TAS2R1: variants seen among roughly 807,000 people sequenced by gnomAD.
The protein encoded by TAS2R1 is taste receptor type 2 member 1.
For missense variants in TAS2R1, 370 were observed against 353.4 expected (o/e 1.05, Z -0.38); for synonymous variants, 141 against 134.2 (o/e 1.05, Z -0.35).
At chr5:9,642,889 C>T (rs1262722641) in intron 2 of TAS2R1, among the ~76,000 whole-genome samples, 1 of 152,186 alleles carries the variant, frequency 6.6e-6, no homozygotes, top group Non-Finnish European at 1.5e-5. Context: ...TTGTCTTCAG[C>T]TCTAAACTGA....
At chr5:9,651,145 A>T (rs1579768293) in intron 2 of TAS2R1, among the ~76,000 whole-genome samples, 1 of 152,188 alleles carries the variant, frequency 6.6e-6, no homozygotes, top group Non-Finnish European at 1.5e-5. Context: ...CCAAATGGAA[A>T]AATTGAACAT....
the TAS2R1 span, among the ~76,000 whole-genome samples, chr5:9,777,915 C>T: frequency 1.4e-5 from 2 of 145,984 alleles, no homozygotes; most frequent in African/African-American, 5.0e-5. Flanking sequence ...GCTCTGTCGC[C>T]CAGGCCGGAC....
chr5:9,898,812 G>A, the TAS2R1 span, among the ~76,000 whole-genome samples: 2 of 152,142 alleles, frequency 1.3e-5, no homozygotes, highest in Admixed American at 1.3e-4. Flanking sequence ...ACAGGCAGAG[G>A]GGCCTGGACA....
chr5:9,750,583 C>T, the TAS2R1 span, among the ~76,000 whole-genome samples: 1 of 152,124 alleles, frequency 6.6e-6, no homozygotes, highest in Non-Finnish European at 1.5e-5. Flanking sequence ...TGAGACCTAG[C>T]AATAGACATA....
At chr5:9,765,312 T>C in the TAS2R1 span, among the ~76,000 whole-genome samples, 1 of 152,212 alleles carries the variant, frequency 6.6e-6, no homozygotes, top group Non-Finnish European at 1.5e-5. Flanking sequence ...GAGAGACAAA[T>C]TAATTGCTTA....
the TAS2R1 span, among the ~76,000 whole-genome samples, chr5:9,901,343 C>T: frequency 3.9e-3 from 589 of 152,066 alleles, 5 homozygotes; most frequent in Non-Finnish European, 6.5e-3. Flanking sequence ...ACTAAGCTAC[C>T]AGAGAACCTG....
At chr5:9,800,677 A>G in the TAS2R1 span, among the ~76,000 whole-genome samples, 1 of 152,194 alleles carries the variant, frequency 6.6e-6, no homozygotes, top group East Asian at 1.9e-4. Context: ...CTGGTGGGCC[A>G]TGGTCATGAG....
the TAS2R1 span, among the ~76,000 whole-genome samples, chr5:9,801,719 G>C: frequency 6.6e-6 from 1 of 152,170 alleles, no homozygotes; most frequent in Admixed American, 6.5e-5. Flanking sequence ...CTTTAGGACT[G>C]CTGGCTGCAT....
At chr5:9,766,490 C>T in the TAS2R1 span, among the ~76,000 whole-genome samples, 2 of 152,230 alleles carry the variant, frequency 1.3e-5, no homozygotes, top group Non-Finnish European at 2.9e-5. Context: ...GGATTTTCTA[C>T]ATGCATTCCT....
the TAS2R1 span, among the ~76,000 whole-genome samples, chr5:9,840,055 A>G: frequency 6.6e-6 from 1 of 152,184 alleles, no homozygotes; most frequent in Non-Finnish European, 1.5e-5. Context: ...AGATGAAAAG[A>G]GTCAACGTTT....
At chr5:9,832,631 G>C in the TAS2R1 span, among the ~76,000 whole-genome samples, 1 of 152,164 alleles carries the variant, frequency 6.6e-6, no homozygotes, top group Admixed American at 6.5e-5. Flanking sequence ...TTGCCTCCAT[G>C]TAAATCAAAA....
At chr5:9,638,706 T>G (rs1740015535) in intron 2 of TAS2R1, among the ~76,000 whole-genome samples, 1 of 152,136 alleles carries the variant, frequency 6.6e-6, no homozygotes, top group South Asian at 2.1e-4. Flanking sequence ...TGTCTTGAGT[T>G]TGGCTACCAG....
the TAS2R1 span, among the ~76,000 whole-genome samples, chr5:9,811,797 T>C: frequency 1.6e-4 from 25 of 152,300 alleles, no homozygotes; most frequent in East Asian, 3.9e-3. Flanking sequence ...ATCTGAAGCA[T>C]AGCATGTTGA....
chr5:9,654,699 T>C (rs971254516), intron 2 of TAS2R1, among the ~76,000 whole-genome samples: 1 of 152,196 alleles, frequency 6.6e-6, no homozygotes, highest in Non-Finnish European at 1.5e-5. Flanking sequence ...TAGAGAAAGA[T>C]AAAGTTAGGT....
At chr5:9,769,525 C>T in the TAS2R1 span, among the ~76,000 whole-genome samples, 1 of 152,182 alleles carries the variant, frequency 6.6e-6, no homozygotes, top group East Asian at 1.9e-4. Flanking sequence ...TTTACATTCT[C>T]ACTAACAATG....
At chr5:9,825,119 G>A in the TAS2R1 span, among the ~76,000 whole-genome samples, 2 of 152,172 alleles carry the variant, frequency 1.3e-5, no homozygotes, top group Non-Finnish European at 2.9e-5. Flanking sequence ...ATTATTTCCT[G>A]ATATAAAATA....
Position 9,630,304 on chromosome 5 carries a change from C to T in TAS2R1, c.-272G>A, listed in dbSNP as rs1457653959. 8.0e-6 allele frequency: 2 copies of T among 250,456 alleles called. No individual in the cohort carries two copies. The highest frequency in any genetic ancestry group is 4.5e-5 in the African/African-American group (2 of 44,380). 15.5% of individuals were successfully genotyped at this position (250,456 alleles called of 1,614,324 possible). On this transcript the variant is annotated 5_prime_UTR_variant, in exon 1 of 1. An upstream start codon of the reference 5' UTR is lost. Coordinates refer to ENST00000382492, the MANE Select transcript of TAS2R1 (RefSeq NM_019599.3). ...TACAGGTTTACCTAGCTTTCAAAGT[C>T]ATCACAGGCAAATAATGGAATCAGA...
chr5:9,865,617 A>G, the TAS2R1 span, among the ~76,000 whole-genome samples: 5 of 152,222 alleles, frequency 3.3e-5, no homozygotes, highest in Non-Finnish European at 5.9e-5. Context: ...GACTTTTCTG[A>G]AAGTATTTCT....
At chr5:9,694,334 A>G (rs534662372) in intron 1 of TAS2R1, among the ~76,000 whole-genome samples, 37 of 152,234 alleles carry the variant, frequency 2.4e-4, no homozygotes, top group Non-Finnish European at 4.9e-4. Flanking sequence ...CGTAGTTACA[A>G]ATCAAACAAG....
Sources: gnomAD v4.1 joint callset for allele counts (sites outside exome capture counted in the v4.1 genomes callset) on GRCh38, gnomAD v4.1.1 for gene constraint, MANE v1.5 for transcripts, NCBI Gene and HGNC (gene_info 2026-07-23, HGNC 2026-07-21) for gene names.